RAB31: variants seen among roughly 807,000 people sequenced by gnomAD.
RAB31 encodes the protein ras-related protein Rab-31.
RAB31 carries 21 observed loss-of-function variants against 25.6 expected under a neutral mutation model. That is an observed-to-expected ratio of 0.82 (90% CI 0.58 to 1.18). The LOEUF is 1.18. Ranked by LOEUF, RAB31 falls within the 50% of genes most tolerant of loss-of-function variation. The pLI is 0.00. For synonymous variants in RAB31, 87 were observed against 84.0 expected, an observed-to-expected ratio of 1.04 and a Z score of -0.20; for missense variants, 196 against 250.1, an observed-to-expected ratio of 0.78 and a Z score of 1.46.
chr18:9,813,989 T>C, intron 3 of RAB31, 31 bp from the exon 4 acceptor site: 3 of 1,466,410 alleles, frequency 2.0e-6, no homozygotes, highest in Non-Finnish European at 2.8e-6. Flanking sequence ...CTGTTCACTT[T>C]GGCCTAAAAC....
intron 1 of RAB31, among the ~76,000 whole-genome samples, chr18:9,714,302 A>G (rs1029004747): frequency 1.3e-5 from 2 of 152,230 alleles, no homozygotes; most frequent in African/African-American, 4.8e-5. Flanking sequence ...TCCACGTCAG[A>G]TCATCAGGCA....
In RAB31 at chr18:9,855,637, G is replaced by A. The variant is rs9952137; in HGVS notation, c.491-3591G>A. Reference sequence around the variant, plus strand: ...TTCGGCGTTTGCTTTCTTGTTTTGCGTTCTGGTTTCCTGGTGCAGGCTCCC... The same window carrying A: ...TTCGGCGTTTGCTTTCTTGTTTTGCATTCTGGTTTCCTGGTGCAGGCTCCC... On this transcript the variant is annotated intron_variant, in intron 6 of 6. Transcript: ENST00000578921. 8.0e-3 allele frequency among the ~76,000 whole-genome samples: 1,222 copies of A among 152,198 alleles called. 15 individuals are homozygous for A. The highest frequency in any genetic ancestry group is 0.028 in the African/African-American group (1,153 of 41,510).
At chr18:9,838,655 A>T (rs761070345) in intron 5 of RAB31, among the ~76,000 whole-genome samples, 1 of 152,196 alleles carries the variant, frequency 6.6e-6, no homozygotes, top group Non-Finnish European at 1.5e-5. Context: ...TGGGTAGCAC[A>T]GGCCTGTTGG....
At chr18:9,738,247 C>T (rs1411607288) in intron 1 of RAB31, among the ~76,000 whole-genome samples, 2 of 152,144 alleles carry the variant, frequency 1.3e-5, no homozygotes, top group African/African-American at 4.8e-5. Context: ...TCCTAAAACC[C>T]TTAGAATCTC....
intron 1 of RAB31, among the ~76,000 whole-genome samples, chr18:9,736,703 G>A (rs1039368945): frequency 1.1e-4 from 17 of 152,168 alleles, no homozygotes; most frequent in South Asian, 4.1e-4. Context: ...AAGATTTGCC[G>A]AAAGCAAGAG....
At chr18:9,784,203 A>ATTTT (rs34471682) in intron 2 of RAB31, among the ~76,000 whole-genome samples, 1 of 148,874 alleles carries the variant, frequency 6.7e-6, no homozygotes, top group Non-Finnish European at 1.5e-5. Context: ...TGCCTGGCTG[A>ATTTT]TTTTTTTTTT....
intron 5 of RAB31, among the ~76,000 whole-genome samples, chr18:9,821,290 C>A (rs1050697247): frequency 6.6e-6 from 1 of 151,976 alleles, no homozygotes; most frequent in African/African-American, 2.4e-5. Context: ...TCTAAGTGAG[C>A]CCGATGACAC....
At chr18:9,733,106 G>T (rs1387614856) in intron 1 of RAB31, among the ~76,000 whole-genome samples, 2 of 152,188 alleles carry the variant, frequency 1.3e-5, no homozygotes, top group African/African-American at 4.8e-5. Flanking sequence ...CAGCACTTGG[G>T]TGTTTTCCAT....
At chr18:9,727,082 A>C (rs1305561294) in intron 1 of RAB31, among the ~76,000 whole-genome samples, 1 of 152,182 alleles carries the variant, frequency 6.6e-6, no homozygotes, top group African/African-American at 2.4e-5. Flanking sequence ...GCTGGGGCAG[A>C]ATGTGCTGCC....
chr18:9,824,854 C>G (rs532151840), intron 5 of RAB31, among the ~76,000 whole-genome samples: 1 of 152,176 alleles, frequency 6.6e-6, no homozygotes, highest in East Asian at 1.9e-4. Flanking sequence ...TATTGTGAAA[C>G]TGAAGTAATG....
intron 1 of RAB31, among the ~76,000 whole-genome samples, chr18:9,718,248 A>G (rs913832582): frequency 3.3e-5 from 5 of 150,792 alleles, no homozygotes; most frequent in Non-Finnish European, 5.9e-5. Context: ...CAGCTAAAAT[A>G]TTTTCTGAAT....
At chr18:9,732,658 T>C (rs1250524206) in intron 1 of RAB31, among the ~76,000 whole-genome samples, 3 of 152,160 alleles carry the variant, frequency 2.0e-5, no homozygotes, top group African/African-American at 7.2e-5. Flanking sequence ...CCCTTAACTG[T>C]CATGATAAAG....
intron 1 of RAB31, among the ~76,000 whole-genome samples, chr18:9,759,249 C>T (rs1442179493): frequency 6.6e-6 from 1 of 152,074 alleles, no homozygotes; most frequent in Non-Finnish European, 1.5e-5. Flanking sequence ...GAGTGTAGTG[C>T]AGCCTCAACC....
rs1300930967 is a variant in RAB31, at chr18:9,862,034, C to T, written c.*2709C>T. On this transcript the variant is annotated 3_prime_UTR_variant, in exon 7 of 7. Transcript: ENST00000578921. ...AGACTAAAAGGTTGAAGGCCCGAAA[C>T]TAACTTTTAGCTAACAATAAGGGCT... 1 of 152,638 alleles carries T rather than the reference C, an allele frequency of 6.6e-6. No homozygotes were observed. The highest frequency in any genetic ancestry group is 1.5e-5 in the Non-Finnish European group (1 of 68,044). The allele number at this position is 152,638 out of a possible 1,614,324, so 9.5% of individuals were successfully genotyped here.
At chr18:9,774,831 A>G (rs958883034) in intron 1 of RAB31, 1 of 516,084 alleles carries the variant, frequency 1.9e-6, no homozygotes, top group Non-Finnish European at 3.9e-6. Flanking sequence ...CATAGAAACT[A>G]GAATTAATAG....
At chr18:9,743,292 A>T (rs1043492309) in intron 1 of RAB31, among the ~76,000 whole-genome samples, 3 of 152,230 alleles carry the variant, frequency 2.0e-5, no homozygotes, top group Non-Finnish European at 4.4e-5. Context: ...ATGTACTCGA[A>T]AGCTATAAAA....
intron 1 of RAB31, among the ~76,000 whole-genome samples, chr18:9,715,341 C>T (rs1470058710): frequency 6.6e-6 from 1 of 151,860 alleles, no homozygotes; most frequent in Admixed American, 6.6e-5. Flanking sequence ...CCAGCCTGCC[C>T]ACTCTTCCAT....
At position 9,854,592 on chromosome 18, in the gene RAB31, C is replaced by T. The variant is rs149918991; in HGVS notation, c.491-4636C>T. 1.4e-3 allele frequency among the ~76,000 whole-genome samples: 206 copies of T among 152,292 alleles called. 1 individual carries two copies. The highest frequency in any genetic ancestry group is 4.2e-3 in the African/African-American group (173 of 41,548). ...CTAATGAGCTTCCCACCTGAGAATC[C>T]ATTCCGGTCCTTTATAGCATGTAGC... On this transcript the variant is annotated intron_variant, in intron 6 of 6. Transcript: ENST00000578921.
intron 1 of RAB31, among the ~76,000 whole-genome samples, chr18:9,758,762 C>T (rs757250864): frequency 3.3e-5 from 5 of 152,066 alleles, no homozygotes; most frequent in African/African-American, 4.8e-5. Context: ...TTCTGAGTCT[C>T]AGCTGTGTGC....
Sources: gnomAD v4.1 joint callset for allele counts (sites outside exome capture counted in the v4.1 genomes callset) on GRCh38, gnomAD v4.1.1 for gene constraint, MANE v1.5 for transcripts, NCBI Gene and HGNC (gene_info 2026-07-23, HGNC 2026-07-21) for gene names.